The following PAPPA variants were observed in gnomAD, a reference collection of about 807,000 sequenced individuals.
The protein encoded by PAPPA is pappalysin 1.
Under a neutral mutation model 164.0 loss-of-function variants are expected in PAPPA, and 60 were observed. That is an observed-to-expected ratio of 0.37 (90% CI 0.30 to 0.45). The LOEUF is 0.45. PAPPA is among the 20% of genes least tolerant of loss of function. PAPPA has a pLI of 1.00. For missense variants in PAPPA, 1,782 were observed against 2,087.3 expected (o/e 0.85, Z 2.85); for synonymous variants, 875 against 814.1 (o/e 1.07, Z -1.27).
At chr9:116,348,265 G>T (rs1028338001) in intron 15 of PAPPA, among the ~76,000 whole-genome samples, 18 of 151,434 alleles carry the variant, frequency 1.2e-4, no homozygotes, top group African/African-American at 3.9e-4. Flanking sequence ...CTGTGCTGAG[G>T]CTTCTGCTTG....
In PAPPA at chr9:116,186,202, TTA is replaced by T. The variant is rs1265778790; in HGVS notation, c.416-948_416-947del. On this transcript the variant is annotated intron_variant, in intron 1 of 21. Coordinates refer to ENST00000328252, the MANE Select transcript of PAPPA (RefSeq NM_002581.5). ...CCAATTTATGTTAAGAAGGCACTCATTATATGTGTGTGTGTGTGTGTGTGTGT... is the reference window on the plus strand; with the variant it reads ...CCAATTTATGTTAAGAAGGCACTCATTATGTGTGTGTGTGTGTGTGTGTGT... Among the ~76,000 whole-genome samples, 7 of 103,010 alleles carry T rather than the reference TTA, an allele frequency of 6.8e-5. No individual in the cohort carries two copies. In the South Asian group the frequency reaches 1.7e-3, roughly 24 times the overall value. 67.6% of individuals were successfully genotyped at this position (103,010 alleles called of 152,430 possible).
At chr9:116,224,237 C>T (rs1844478127) in intron 5 of PAPPA, among the ~76,000 whole-genome samples, 1 of 152,218 alleles carries the variant, frequency 6.6e-6, no homozygotes, top group South Asian at 2.1e-4. Flanking sequence ...CAAGGCCACC[C>T]CTGGTTTTCC....
At chr9:116,240,587 G>T (rs754432629) in intron 7 of PAPPA, among the ~76,000 whole-genome samples, 1 of 152,172 alleles carries the variant, frequency 6.6e-6, no homozygotes, top group African/African-American at 2.4e-5. Flanking sequence ...AATGTAGTAA[G>T]CTTGTACTAT....
In PAPPA at chr9:116,396,447, A is replaced by T. The variant is rs530448135; in HGVS notation, c.4777-62A>T. 6.4e-6 allele frequency: 5 copies of T among 776,128 alleles called. No individual in the cohort carries two copies. The East Asian group carries it at 1.2e-4, about 19-fold the overall frequency. 48.1% of individuals were successfully genotyped at this position (776,128 alleles called of 1,614,324 possible). A position where few individuals can be genotyped will look rare whatever the true frequency, so the allele number is the denominator to read the frequency against. On this transcript the variant is annotated intron_variant, in intron 21 of 21. Coordinates refer to ENST00000328252, the MANE Select transcript of PAPPA (RefSeq NM_002581.5). ...TCCAGTGATTGTATCCCTGCGCTGCACTGCCTTTCTGATCATTACTGCTTC... is the reference window on the plus strand; with the variant it reads ...TCCAGTGATTGTATCCCTGCGCTGCTCTGCCTTTCTGATCATTACTGCTTC...
At position 116,227,346 on chromosome 9, in the gene PAPPA, C is replaced by T. The variant is rs376996891; in HGVS notation, c.2112-85C>T. The T allele has an allele frequency of 2.9e-6, 4 of 1,388,560 alleles. No homozygotes were observed. In the Admixed American group the frequency reaches 6.9e-5, roughly 24 times the overall value. 86.0% of individuals were successfully genotyped at this position (1,388,560 alleles called of 1,614,324 possible). ...AACACAGATTTGTTGTGTCCTCTGC[C>T]CCATTGACTCTGGCCTAGTCCCATC... On this transcript the variant is annotated intron_variant, in intron 5 of 21. Transcript: ENST00000328252.
intron 10 of PAPPA, among the ~76,000 whole-genome samples, chr9:116,306,951 A>AT (rs1337807786): frequency 1.3e-5 from 2 of 152,196 alleles, no homozygotes; most frequent in African/African-American, 4.8e-5. Context: ...CAACCAACCA[A>AT]TTTATTTCCT....
intron 1 of PAPPA, among the ~76,000 whole-genome samples, chr9:116,165,158 T>C (rs1170525847): frequency 2.6e-5 from 4 of 152,206 alleles, no homozygotes; most frequent in African/African-American, 9.6e-5. Context: ...AGATCCTCCA[T>C]TGGTAGATAC....
chr9:116,241,904 G>A (rs1844740387), intron 7 of PAPPA, among the ~76,000 whole-genome samples: 1 of 151,456 alleles, frequency 6.6e-6, no homozygotes, highest in Non-Finnish European at 1.5e-5. Context: ...TCTTTTTATA[G>A]CTCTTTCCGT....
Position 116,383,493 on chromosome 9 carries a change from A to G in PAPPA, c.4776+1000A>G, listed in dbSNP as rs558067795. 2.4e-3 allele frequency among the ~76,000 whole-genome samples: 372 copies of G among 151,878 alleles called. 1 individual carries two copies. The highest frequency in any genetic ancestry group is 4.5e-3 in the Non-Finnish European group (304 of 67,962). On this transcript the variant is annotated intron_variant, in intron 21 of 21. Coordinates refer to ENST00000328252, the MANE Select transcript of PAPPA (RefSeq NM_002581.5). ...TTTATTAATAGGGGCACTGAGGCCC[A>G]TAAAAGAGGAATGATTTGTCCCAGG...
chr9:116,269,852 T>A (rs890953127), intron 8 of PAPPA, among the ~76,000 whole-genome samples: 5 of 152,206 alleles, frequency 3.3e-5, no homozygotes, highest in African/African-American at 1.2e-4. Context: ...CAAGACCCAC[T>A]GCCAGACAAT....
chr9:116,333,943 A>C (rs952473293), intron 12 of PAPPA, among the ~76,000 whole-genome samples: 2 of 152,262 alleles, frequency 1.3e-5, no homozygotes, highest in South Asian at 4.1e-4. Context: ...TGAGAAGGGC[A>C]CCTGCTTCAG....
rs1056158251 is a variant in PAPPA, at chr9:116,154,678, G to C, written c.415+91G>C. 3.2e-5 allele frequency: 40 copies of C among 1,236,970 alleles called. No individual in the cohort carries two copies. Among genetic ancestry groups the C allele is most frequent in the Non-Finnish European group, 3.9e-5 (39 of 987,514 alleles). 76.6% of individuals were successfully genotyped at this position (1,236,970 alleles called of 1,614,324 possible). On this transcript the variant is annotated intron_variant, in intron 1 of 21. Transcript: ENST00000328252. The surrounding 1 kb of genome is among the most constrained non-coding windows in gnomAD (Gnocchi z 5.2). ...GGCGCGGGTGGCGGGCGGGTCGGGG[G>C]CTTGCGGGCGTGTCTGTGCGAGAGC...
At chr9:116,334,823 T>A in intron 12 of PAPPA, 38 bp from the exon 13 acceptor site, 1 of 1,534,822 alleles carries the variant, frequency 6.5e-7, no homozygotes, top group Non-Finnish European at 9.0e-7. Flanking sequence ...CCTTGAGTAA[T>A]GAGCCTGGCC....
At chr9:116,269,294 C>A (rs1282884582) in intron 8 of PAPPA, among the ~76,000 whole-genome samples, 1 of 152,142 alleles carries the variant, frequency 6.6e-6, no homozygotes, top group African/African-American at 2.4e-5. Context: ...AGAACCAATA[C>A]ATGAACAGAG....
intron 10 of PAPPA, among the ~76,000 whole-genome samples, chr9:116,308,537 C>G (rs1326349177): frequency 6.6e-6 from 1 of 152,202 alleles, no homozygotes; most frequent in Non-Finnish European, 1.5e-5. Context: ...GGGCTCATCT[C>G]TATAAGGGGC....
At chr9:116,267,284 G>C (rs1845078979) in intron 8 of PAPPA, among the ~76,000 whole-genome samples, 1 of 152,220 alleles carries the variant, frequency 6.6e-6, no homozygotes, top group Non-Finnish European at 1.5e-5. Context: ...AGGATGAAAG[G>C]ACCAGCTAGG....
At chr9:116,220,508 T>C (rs556583915) in intron 5 of PAPPA, among the ~76,000 whole-genome samples, 1 of 147,624 alleles carries the variant, frequency 6.8e-6, no homozygotes, top group South Asian at 2.1e-4. Flanking sequence ...ATATTAATTA[T>C]ATTGTATCAT....
chr9:116,378,932 T>G (rs1024743936), intron 20 of PAPPA, among the ~76,000 whole-genome samples: 3 of 152,214 alleles, frequency 2.0e-5, no homozygotes, highest in Non-Finnish European at 4.4e-5. Context: ...TACTTGACTT[T>G]AGGAACCCCA....
At chr9:116,370,488 G>A (rs897906854) in intron 19 of PAPPA, among the ~76,000 whole-genome samples, 1 of 151,700 alleles carries the variant, frequency 6.6e-6, no homozygotes, top group African/African-American at 2.4e-5. Flanking sequence ...TACCAGGGAT[G>A]TGCTGGCAAA....
Sources: allele counts gnomAD v4.1 joint callset (sites outside exome capture counted in the v4.1 genomes callset), GRCh38; gene constraint gnomAD v4.1.1; non-coding constraint Gnocchi (gnomAD v3.1); transcripts MANE v1.5; gene names NCBI Gene and HGNC (gene_info 2026-07-23, HGNC 2026-07-21).